The following ELK4 variants were observed in gnomAD, a reference collection of about 807,000 sequenced individuals.
ELK4 encodes ETS transcription factor ELK4, also known as ETS domain-containing protein Elk-4.
Under a neutral mutation model 29.6 loss-of-function variants are expected in ELK4, and 16 were observed. The observed-to-expected ratio is 0.54, with a 90% CI of 0.37 to 0.82. The LOEUF (loss-of-function observed/expected upper bound fraction) is 0.82. Ranked by LOEUF, ELK4 falls within the 40% of genes least tolerant of loss-of-function variation. ELK4 has a pLI of 0.00. For synonymous variants in ELK4, 213 were observed against 191.1 expected, an observed-to-expected ratio of 1.11 and a Z score of -0.95; for missense variants, 465 against 507.1, an observed-to-expected ratio of 0.92 and a Z score of 0.80.
intron 1 of ELK4, among the ~76,000 whole-genome samples, chr1:205,629,363 G>C (rs965930714): frequency 1.3e-5 from 2 of 152,092 alleles, no homozygotes; most frequent in Non-Finnish European, 2.9e-5. Flanking sequence ...ACATAGTTAA[G>C]TCAAAACTCT....
rs980924755 is a variant in ELK4 at position 205,613,494 on chromosome 1, C to G, written c.*3052G>C. ...GAGTAAATGCAATGGTTTGCCAGCACTGGCTCTGAGCCAACTGTGCACATC... is the reference window on the plus strand; with the variant it reads ...GAGTAAATGCAATGGTTTGCCAGCAGTGGCTCTGAGCCAACTGTGCACATC... On this transcript the variant is annotated 3_prime_UTR_variant, in exon 5 of 5. Coordinates refer to ENST00000357992, the MANE Select transcript of ELK4 (RefSeq NM_001973.4). 1 of 184,928 alleles carries G rather than the reference C, an allele frequency of 5.4e-6. No homozygotes were observed. The highest frequency in any genetic ancestry group is 2.4e-5 in the African/African-American group (1 of 42,550). 11.5% of individuals were successfully genotyped at this position (184,928 alleles called of 1,614,324 possible).
At chr1:205,626,203 C>T (rs1670456570) in intron 1 of ELK4, 1 of 578,866 alleles carries the variant, frequency 1.7e-6, no homozygotes, top group South Asian at 1.6e-5. Flanking sequence ...AGAGAGGTGG[C>T]CTCCCTTTCT....
chr1:205,619,038 G>A lies in ELK4; in HGVS notation c.1116C>T (p.Ser372=). ...PIILTPSPLL[S]SIHFWSTLSP... ...TGAGAGTACTCCAGAAGTGGATACTGGAGAGCAAGGGGCTTGGAGTCAGTA... is the reference window on the plus strand; with the variant it reads ...TGAGAGTACTCCAGAAGTGGATACTAGAGAGCAAGGGGCTTGGAGTCAGTA... The change falls in exon 4 of 5, where the codon TCC becomes TCT. Residue 372 remains serine, a synonymous_variant. Transcript: ENST00000357992. The A allele has an allele frequency of 1.2e-6, 2 of 1,607,878 alleles. No individual in the cohort carries two copies. Among genetic ancestry groups the A allele is most frequent in the Admixed American group, 1.7e-5 (1 of 58,540 alleles).
intron 2 of ELK4, among the ~76,000 whole-genome samples, chr1:205,621,523 T>C (rs573073551): frequency 6.6e-6 from 1 of 152,190 alleles, no homozygotes; most frequent in South Asian, 2.1e-4. Context: ...AAGGAATTTA[T>C]TTACTTATTT....
chr1:205,622,351 A>T (rs1163624342), intron 2 of ELK4, among the ~76,000 whole-genome samples: 1 of 152,252 alleles, frequency 6.6e-6, no homozygotes, highest in Non-Finnish European at 1.5e-5. Context: ...AAAACTAAAA[A>T]TTAAGATATA....
chr1:205,618,284 G>A (rs931085335), intron 4 of ELK4, among the ~76,000 whole-genome samples: 5 of 151,874 alleles, frequency 3.3e-5, no homozygotes, highest in Admixed American at 6.6e-5. Flanking sequence ...TCCTGCCTCG[G>A]CCTACCAAAG....
chr1:205,627,725 G>C (rs77603786), intron 1 of ELK4, among the ~76,000 whole-genome samples: 231 of 152,248 alleles, frequency 1.5e-3, no homozygotes, highest in African/African-American at 5.3e-3. Context: ...GGATTCTTAA[G>C]GGTCAACTAT....
chr1:205,621,400 G>A lies in ELK4; in HGVS notation c.208-562C>T, dbSNP rs1038701804. Among the ~76,000 whole-genome samples, 3 of 152,188 alleles carry A rather than the reference G, an allele frequency of 2.0e-5. 1 individual carries two copies. The South Asian group carries it at 6.2e-4, about 32-fold the overall frequency. On this transcript the variant is annotated intron_variant, in intron 2 of 4. Transcript: ENST00000357992. The stretch of plus-strand genomic sequence containing the variant: ...ACTAATATGTTACATAAAAACTGAA[G>A]GATTTTAATTGCTTACCACTCTCAA...
Position 205,614,566 on chromosome 1 carries a change from T to C in ELK4, c.*1980A>G. The C allele has an allele frequency of 8.7e-6, 2 of 228,628 alleles. No individual in the cohort carries two copies. The highest frequency in any genetic ancestry group is 1.3e-4 in the East Asian group (2 of 15,882). 14.2% of individuals were successfully genotyped at this position (228,628 alleles called of 1,614,324 possible). On this transcript the variant is annotated 3_prime_UTR_variant, in exon 5 of 5. Coordinates refer to ENST00000357992, the MANE Select transcript of ELK4 (RefSeq NM_001973.4). ...TCTCAGGAACAGAACCTTCAACTGA[T>C]AACCACAAATGAACCAGTAACAAGT...
In ELK4 at chr1:205,613,065, C is replaced by A; in HGVS notation, c.*3481G>T. ...CTCCTCAAAATCCAGATTGTTTGTG[C>A]ATACATTTAAAAAAAAAAAAATCAA... On this transcript the variant is annotated 3_prime_UTR_variant, in exon 5 of 5. Transcript: ENST00000357992. 2 of 185,842 alleles carry A rather than the reference C, an allele frequency of 1.1e-5. No individual in the cohort carries two copies. Among genetic ancestry groups the A allele is most frequent in the Non-Finnish European group, 2.2e-5 (2 of 91,254 alleles). The allele number at this position is 185,842 out of a possible 1,614,324, so 11.5% of individuals were successfully genotyped here. A position where few individuals can be genotyped will look rare whatever the true frequency, so the allele number is the denominator to read the frequency against.
chr1:205,617,622 C>T (rs990569406), intron 4 of ELK4, among the ~76,000 whole-genome samples: 1 of 151,718 alleles, frequency 6.6e-6, no homozygotes, highest in Admixed American at 6.6e-5. Flanking sequence ...AATGCTTGGG[C>T]CGCGTGCAGT....
Position 205,619,124 on chromosome 1 carries a change from T to A in ELK4, c.1081-51A>T, listed in dbSNP as rs897391743. 5 of 1,424,498 alleles carry A rather than the reference T, an allele frequency of 3.5e-6. No individual in the cohort carries two copies. In the African/African-American group the frequency reaches 7.3e-5, roughly 21 times the overall value. The allele number at this position is 1,424,498 out of a possible 1,614,324, so 88.2% of individuals were successfully genotyped here. ...CACTGACTGACTTACCAGGATGTTT[T>A]ATCCTTGAAACAGCACACAAATAAC... On this transcript the variant is annotated intron_variant, in intron 3 of 4. Transcript: ENST00000357992.
chr1:205,612,344 A>G lies in ELK4; in HGVS notation c.*4202T>C, dbSNP rs1575119185. 2 of 214,788 alleles carry G rather than the reference A, an allele frequency of 9.3e-6. No individual in the cohort carries two copies. Among genetic ancestry groups the G allele is most frequent in the East Asian group, 1.4e-4 (2 of 14,354 alleles). 13.3% of individuals were successfully genotyped at this position (214,788 alleles called of 1,614,324 possible). A position where few individuals can be genotyped will look rare whatever the true frequency, so the allele number is the denominator to read the frequency against. ...AAGCGTGTGCTTCTGGAGGGTGCAC[A>G]AGACAACCAACTGGGGTGTGGGAAG... On this transcript the variant is annotated 3_prime_UTR_variant, in exon 5 of 5. Transcript: ENST00000357992.
In ELK4 at chr1:205,631,769, C is replaced by T; in HGVS notation, c.-147G>A. ...ACCCCCGCGGCGGAGCCGTAGAAGGCGGCGGCGGCCAAGCCGAGCCCGCCG... is the reference window on the plus strand; with the variant it reads ...ACCCCCGCGGCGGAGCCGTAGAAGGTGGCGGCGGCCAAGCCGAGCCCGCCG... On this transcript the variant is annotated 5_prime_UTR_variant, in exon 1 of 5. Transcript: ENST00000357992. 4.0e-6 allele frequency: 1 copy of T among 247,566 alleles called. No homozygotes were observed. 15.3% of individuals were successfully genotyped at this position (247,566 alleles called of 1,614,324 possible).
At position 205,609,805 on chromosome 1, in the gene ELK4, T is replaced by C. The variant is rs560668203; in HGVS notation, c.*6741A>G. 128 of 216,896 alleles carry C rather than the reference T, an allele frequency of 5.9e-4. No homozygotes were observed. Among genetic ancestry groups the C allele is most frequent in the African/African-American group, 2.8e-3 (126 of 44,628 alleles). The allele number at this position is 216,896 out of a possible 1,614,324, so 13.4% of individuals were successfully genotyped here. On this transcript the variant is annotated 3_prime_UTR_variant, in exon 5 of 5. Transcript: ENST00000357992. ...AATCGTAAATTTCTACAAAGCACAA[T>C]ATTAAAAGCTTGCAAATTATTTTAA... is the stretch of plus-strand genomic sequence containing the variant.
In ELK4 at chr1:205,616,500, G is replaced by A. The variant is rs369117657; in HGVS notation, c.*46C>T. 32 of 1,523,600 alleles carry A rather than the reference G, an allele frequency of 2.1e-5. No homozygotes were observed. The highest frequency in any genetic ancestry group is 2.7e-5 in the Non-Finnish European group (30 of 1,099,094). The allele number at this position is 1,523,600 out of a possible 1,614,324, so 94.4% of individuals were successfully genotyped here. On this transcript the variant is annotated 3_prime_UTR_variant, in exon 5 of 5. Coordinates refer to ENST00000357992, the MANE Select transcript of ELK4 (RefSeq NM_001973.4). ...CACTTCAAATGCAATCATGTTGAAT[G>A]TCTGTTTCTTCGTTCCTCGGTTCTC... is the stretch of plus-strand genomic sequence containing the variant.
rs1670233002 is a variant in ELK4 at position 205,616,447 on chromosome 1, T to TATA, written c.*98_*99insTAT. 1 of 1,089,984 alleles carries TATA rather than the reference T, an allele frequency of 9.2e-7. No homozygotes were observed. Among genetic ancestry groups the TATA allele is most frequent in the Admixed American group, 2.0e-5 (1 of 49,890 alleles). The allele number at this position is 1,089,984 out of a possible 1,614,324, so 67.5% of individuals were successfully genotyped here. A position where few individuals can be genotyped will look rare whatever the true frequency, so the allele number is the denominator to read the frequency against. On this transcript the variant is annotated 3_prime_UTR_variant, in exon 5 of 5. Transcript: ENST00000357992. ...AATGGCAAAAATCACAATAGTCTAT[T>TATA]ATCAGCATTGTAGAACTATCAATTG...
Position 205,609,518 on chromosome 1 carries a change from A to G in ELK4, c.*7028T>C. 5.2e-6 allele frequency: 1 copy of G among 193,930 alleles called. No individual in the cohort carries two copies. Among genetic ancestry groups the G allele is most frequent in the Non-Finnish European group, 1.1e-5 (1 of 92,996 alleles). The allele number at this position is 193,930 out of a possible 1,614,324, so 12.0% of individuals were successfully genotyped here. On this transcript the variant is annotated 3_prime_UTR_variant, in exon 5 of 5. Coordinates refer to ENST00000357992, the MANE Select transcript of ELK4 (RefSeq NM_001973.4). Reference sequence around the variant, plus strand: ...ATTCGTTTCTTTTCTATCTTTACATATACGCATCTGTCAATTTCACTAATA... The same window carrying G: ...ATTCGTTTCTTTTCTATCTTTACATGTACGCATCTGTCAATTTCACTAATA...
intron 1 of ELK4, among the ~76,000 whole-genome samples, chr1:205,626,700 G>A (rs191388252): frequency 1.3e-5 from 2 of 152,208 alleles, no homozygotes; most frequent in Non-Finnish European, 2.9e-5. Context: ...TGGCAAGGAT[G>A]CAGAGAAATT....
Sources: allele counts gnomAD v4.1 joint callset (sites outside exome capture counted in the v4.1 genomes callset), GRCh38; gene constraint gnomAD v4.1.1; transcripts MANE v1.5; gene names NCBI Gene and HGNC (gene_info 2026-07-23, HGNC 2026-07-21).